Variants in FBXL17 observed in about 807,000 individuals in gnomAD.
The protein encoded by FBXL17 is F-box and leucine rich repeat protein 17, also known as F-box/LRR-repeat protein 17.
FBXL17 carries 22 observed loss-of-function variants against 66.2 expected under a neutral mutation model. That is an observed-to-expected ratio of 0.33 (90% confidence interval 0.24 to 0.47). The LOEUF (loss-of-function observed/expected upper bound fraction) is 0.47, where lower values mean the gene tolerates loss of function less well. Ranked by LOEUF, FBXL17 falls within the 20% of genes least tolerant of loss-of-function variation. The probability of loss-of-function intolerance (pLI) is 1.00; values close to 1 mark genes in which losing one functional copy is unlikely to be tolerated. For missense variants in FBXL17, 878 were observed against 948.2 expected (o/e 0.93, Z 0.97); for synonymous variants, 474 against 400.5 (o/e 1.18, Z -2.19).
intron 4 of FBXL17, among the ~76,000 whole-genome samples, chr5:108,333,038 A>T (rs1760203880): frequency 7.3e-6 from 1 of 136,494 alleles, no homozygotes; most frequent in African/African-American, 3.5e-5. Flanking sequence ...AAAAATAGAT[A>T]TAAAATCTTA....
chr5:108,378,923 T>C (rs924434972), intron 1 of FBXL17, among the ~76,000 whole-genome samples: 2 of 152,182 alleles, frequency 1.3e-5, no homozygotes, highest in Non-Finnish European at 2.9e-5. Context: ...TGAATACCAC[T>C]AGGACCATCA....
chr5:108,248,852 AT>A (rs1332722514), intron 4 of FBXL17, among the ~76,000 whole-genome samples: 1 of 152,148 alleles, frequency 6.6e-6, no homozygotes, highest in Admixed American at 6.6e-5. Context: ...CAGAAAAAAA[AT>A]ATCCTTCAGG....
chr5:108,104,454 G>A (rs984321489), intron 6 of FBXL17, among the ~76,000 whole-genome samples: 3 of 152,174 alleles, frequency 2.0e-5, no homozygotes, highest in African/African-American at 7.2e-5. Context: ...TGAATTTATA[G>A]AACATCACAC....
intron 6 of FBXL17, among the ~76,000 whole-genome samples, chr5:108,184,470 C>T (rs1379052686): frequency 6.6e-6 from 1 of 151,916 alleles, no homozygotes; most frequent in Non-Finnish European, 1.5e-5. Flanking sequence ...CAAGGCCTGG[C>T]TAATTTTTTT....
At chr5:107,912,601 C>T (rs1385764787) in intron 7 of FBXL17, among the ~76,000 whole-genome samples, 2 of 151,826 alleles carry the variant, frequency 1.3e-5, no homozygotes, top group Non-Finnish European at 2.9e-5. Flanking sequence ...ATAATAAAAA[C>T]AAAATACGAT....
chr5:108,092,135 T>C (rs971250667), intron 6 of FBXL17, among the ~76,000 whole-genome samples: 1 of 152,312 alleles, frequency 6.6e-6, no homozygotes, highest in East Asian at 1.9e-4. Flanking sequence ...AGTGTCATTG[T>C]TGTAATTAAA....
chr5:108,291,367 C>T (rs950876193), intron 4 of FBXL17, among the ~76,000 whole-genome samples: 5 of 152,190 alleles, frequency 3.3e-5, no homozygotes, highest in Non-Finnish European at 7.3e-5. Context: ...CAGGTCATCA[C>T]GTGCTCTGCT....
intron 6 of FBXL17, among the ~76,000 whole-genome samples, chr5:108,102,342 G>C (rs942856398): frequency 2.0e-5 from 3 of 152,066 alleles, no homozygotes; most frequent in African/African-American, 7.2e-5. Flanking sequence ...TACTAAAAAT[G>C]ACTTTATGTC....
chr5:108,064,020 A>G (rs1748024132), intron 6 of FBXL17, among the ~76,000 whole-genome samples: 1 of 152,192 alleles, frequency 6.6e-6, no homozygotes, highest in Non-Finnish European at 1.5e-5. Flanking sequence ...TTTTGGTAAT[A>G]AAAATGATGT....
chr5:107,995,698 T>C (rs1242075595), intron 7 of FBXL17, among the ~76,000 whole-genome samples: 1 of 152,104 alleles, frequency 6.6e-6, no homozygotes, highest in Non-Finnish European at 1.5e-5. Context: ...TCAAGTAATC[T>C]GGCCTCATTT....
At chr5:108,351,430 G>A (rs977271760) in intron 3 of FBXL17, among the ~76,000 whole-genome samples, 6 of 152,052 alleles carry the variant, frequency 3.9e-5, no homozygotes, top group African/African-American at 7.2e-5. Flanking sequence ...TCTGATTCCC[G>A]GTCTCTCCAC....
chr5:108,205,017 C>G (rs1440516155), intron 5 of FBXL17, among the ~76,000 whole-genome samples: 1 of 151,460 alleles, frequency 6.6e-6, no homozygotes, highest in Non-Finnish European at 1.5e-5. Flanking sequence ...CTCAAAAGAT[C>G]CCCTCATTTC....
chr5:107,899,640 G>C (rs1749502755), intron 7 of FBXL17, among the ~76,000 whole-genome samples: 1 of 152,098 alleles, frequency 6.6e-6, no homozygotes, highest in African/African-American at 2.4e-5. Flanking sequence ...GATTACATGG[G>C]AAGTTGGTGC....
intron 6 of FBXL17, among the ~76,000 whole-genome samples, chr5:108,180,219 A>G (rs1410583422): frequency 6.6e-6 from 1 of 152,194 alleles, no homozygotes; most frequent in Non-Finnish European, 1.5e-5. Context: ...ACTTTTAAAG[A>G]GAAATATCTG....
intron 4 of FBXL17, among the ~76,000 whole-genome samples, chr5:108,287,556 G>A (rs1245426606): frequency 1.3e-5 from 2 of 151,648 alleles, no homozygotes; most frequent in East Asian, 1.9e-4. Context: ...AAAGAAAAAC[G>A]ACAATGAGAT....
At position 108,219,783 on chromosome 5, in the gene FBXL17, C is replaced by T. The variant is rs144085913; in HGVS notation, c.1614+4338G>A. Among the ~76,000 whole-genome samples, 19 of 152,132 alleles carry T rather than the reference C, an allele frequency of 1.2e-4. No homozygotes were observed. In the East Asian group the frequency reaches 3.3e-3, roughly 26 times the overall value. ...GTTTTGTCAACCCTCTGAGCTATAA[C>T]ATTGGCAAGTTTTTTTTGATCAGTG... On this transcript the variant is annotated intron_variant, in intron 5 of 8. Transcript: ENST00000542267.
chr5:107,971,071 A>G (rs1248757107), intron 7 of FBXL17, among the ~76,000 whole-genome samples: 1 of 152,192 alleles, frequency 6.6e-6, no homozygotes, highest in Non-Finnish European at 1.5e-5. Flanking sequence ...TGAAGTCACA[A>G]ATTTATTCCA....
intron 6 of FBXL17, among the ~76,000 whole-genome samples, chr5:108,144,930 T>C (rs1031519338): frequency 2.0e-5 from 3 of 152,160 alleles, no homozygotes; most frequent in Admixed American, 1.3e-4. Flanking sequence ...TTTGCTAACT[T>C]TTCTATATTT....
chr5:108,342,065 C>T lies in FBXL17; in HGVS notation c.1506+6334G>A, dbSNP rs963726185. On this transcript the variant is annotated intron_variant, in intron 4 of 8. Transcript: ENST00000542267. ...TAACTCTTGTTTAATTCTTCGACAC[C>T]TCTCACAGTGCCTGGCACATAGTAA... 4.6e-5 allele frequency among the ~76,000 whole-genome samples: 7 copies of T among 152,196 alleles called. No homozygotes were observed. In the South Asian group the frequency reaches 1.5e-3, roughly 32 times the overall value.
Sources: gnomAD v4.1 joint callset for allele counts (sites outside exome capture counted in the v4.1 genomes callset) on GRCh38, gnomAD v4.1.1 for gene constraint, MANE v1.5 for transcripts, NCBI Gene and HGNC (gene_info 2026-07-23, HGNC 2026-07-21) for gene names.